Variants in MTPN observed in about 807,000 individuals in gnomAD.
The protein encoded by MTPN is granule cell differentiation protein.
MTPN carries 2 observed loss-of-function variants against 13.5 expected under a neutral mutation model. The observed-to-expected ratio is 0.15, with a 90% CI of 0.06 to 0.47. The LOEUF (loss-of-function observed/expected upper bound fraction) is 0.47, where lower values mean the gene tolerates loss of function less well. Among genes scored for constraint, MTPN ranks in the 20% least tolerant of loss-of-function variants. The probability of loss-of-function intolerance (pLI) is 0.97; values close to 1 mark genes in which losing one functional copy is unlikely to be tolerated. For synonymous variants in MTPN, 46 were observed against 51.7 expected (o/e 0.89, Z 0.48); for missense variants, 79 against 137.9 (o/e 0.57, Z 2.14).
At chr7:135,969,879 T>C (rs1009634610) in intron 1 of MTPN, among the ~76,000 whole-genome samples, 2 of 152,004 alleles carry the variant, frequency 1.3e-5, no homozygotes. Flanking sequence ...ACAAAAGACA[T>C]AAACAATCAT....
intron 3 of MTPN, among the ~76,000 whole-genome samples, chr7:135,942,593 ATATTT>A (rs1417693471): frequency 6.6e-6 from 1 of 152,220 alleles, no homozygotes; most frequent in Non-Finnish European, 1.5e-5. Context: ...GATTAAAAAA[ATATTT>A]TATAAGACTA....
chr7:135,974,070 T>C (rs548258758), intron 1 of MTPN, among the ~76,000 whole-genome samples: 1 of 152,332 alleles, frequency 6.6e-6, no homozygotes, highest in East Asian at 1.9e-4. Flanking sequence ...TACTGTCTTT[T>C]CCATTTCAAA....
intron 1 of MTPN, among the ~76,000 whole-genome samples, chr7:135,975,048 C>G (rs566744605): frequency 5.3e-5 from 8 of 152,124 alleles, no homozygotes; most frequent in Non-Finnish European, 7.4e-5. Flanking sequence ...TTCAATACTC[C>G]CTTTTGCTTT....
chr7:135,953,289 T>C (rs369614071), intron 1 of MTPN, among the ~76,000 whole-genome samples: 7 of 152,226 alleles, frequency 4.6e-5, no homozygotes, highest in East Asian at 3.8e-4. Context: ...AGTATTTAAA[T>C]ATATGGTACC....
chr7:135,972,231 G>GCGCGCGCGCGCACACACACACACA (rs779296906), intron 1 of MTPN, among the ~76,000 whole-genome samples: 7 of 124,700 alleles, frequency 5.6e-5, no homozygotes, highest in African/African-American at 2.1e-4. Flanking sequence ...GCACGCGCGC[G>GCGCGCGCGCGCACACACACACACA]CACACACACA....
chr7:135,934,215 G>T (rs144373583), intron 3 of MTPN, among the ~76,000 whole-genome samples: 168 of 152,188 alleles, frequency 1.1e-3, no homozygotes, highest in African/African-American at 3.7e-3. Context: ...ACAATGAATT[G>T]AACTAAGTTA....
At chr7:135,934,176 A>G (rs1204332472) in intron 3 of MTPN, among the ~76,000 whole-genome samples, 1 of 152,236 alleles carries the variant, frequency 6.6e-6, no homozygotes, top group Non-Finnish European at 1.5e-5. Flanking sequence ...CTCTTAAGGT[A>G]AATTGCTACC....
intron 3 of MTPN, among the ~76,000 whole-genome samples, chr7:135,933,639 TTC>T (rs1167895981): frequency 2.0e-5 from 3 of 152,252 alleles, no homozygotes; most frequent in Non-Finnish European, 2.9e-5. Context: ...ACTAGTCATT[TTC>T]TCTCTGTTGT....
intron 1 of MTPN, among the ~76,000 whole-genome samples, chr7:135,970,027 T>C (rs542252163): frequency 6.6e-6 from 1 of 152,166 alleles, no homozygotes; most frequent in South Asian, 2.1e-4. Flanking sequence ...AATGCAGATA[T>C]AGTCTCAAAA....
At chr7:135,942,318 C>A (rs1317088094) in intron 3 of MTPN, among the ~76,000 whole-genome samples, 3 of 152,184 alleles carry the variant, frequency 2.0e-5, no homozygotes, top group Non-Finnish European at 4.4e-5. Context: ...CAAGTCTTTC[C>A]TTTCCTGAGA....
At chr7:135,938,054 G>A (rs780142301) in intron 3 of MTPN, among the ~76,000 whole-genome samples, 5 of 152,076 alleles carry the variant, frequency 3.3e-5, no homozygotes, top group African/African-American at 1.2e-4. Context: ...GACTGTGCAG[G>A]GGTTGGCAAC....
At chr7:135,964,046 T>C (rs1799568431) in intron 1 of MTPN, among the ~76,000 whole-genome samples, 1 of 151,970 alleles carries the variant, frequency 6.6e-6, no homozygotes, top group African/African-American at 2.4e-5. Flanking sequence ...ATTTAAAACA[T>C]TATAATATGT....
intron 3 of MTPN, among the ~76,000 whole-genome samples, chr7:135,935,067 T>C (rs1799094081): frequency 6.6e-6 from 1 of 152,148 alleles, no homozygotes; most frequent in Admixed American, 6.5e-5. Context: ...TTTTCAATAT[T>C]CTCCAACAAG....
intron 3 of MTPN, among the ~76,000 whole-genome samples, chr7:135,931,315 T>A (rs920917224): frequency 1.3e-5 from 2 of 152,068 alleles, no homozygotes; most frequent in African/African-American, 4.8e-5. Context: ...GAGTGGCCCA[T>A]AATCAGAACA....
chr7:135,952,679 C>A (rs1799380862), intron 1 of MTPN, among the ~76,000 whole-genome samples: 1 of 152,140 alleles, frequency 6.6e-6, no homozygotes, highest in South Asian at 2.1e-4. Flanking sequence ...TATATTCTCT[C>A]AGCCGGGTGT....
chr7:135,943,444 C>A (rs941717683), intron 3 of MTPN, among the ~76,000 whole-genome samples: 1 of 152,020 alleles, frequency 6.6e-6, no homozygotes, highest in African/African-American at 2.4e-5. Flanking sequence ...TAACTGGCTA[C>A]GTGATTAAAA....
At chr7:135,935,701 T>C (rs1393703427) in intron 3 of MTPN, among the ~76,000 whole-genome samples, 1 of 152,246 alleles carries the variant, frequency 6.6e-6, no homozygotes, top group Admixed American at 6.5e-5. Flanking sequence ...ATCTGTTCAC[T>C]ACCTACCTCT....
At chr7:135,963,266 T>C (rs1678969917) in intron 1 of MTPN, among the ~76,000 whole-genome samples, 1 of 152,018 alleles carries the variant, frequency 6.6e-6, no homozygotes. Context: ...AATGTTATAA[T>C]ATAGTCCCTC....
chr7:135,936,532 A>G (rs1799116891), intron 3 of MTPN, among the ~76,000 whole-genome samples: 1 of 152,202 alleles, frequency 6.6e-6, no homozygotes. Flanking sequence ...AATATAAGGA[A>G]CTTGATAAAA....
Sources: allele counts gnomAD v4.1 joint callset (sites outside exome capture counted in the v4.1 genomes callset), GRCh38; gene constraint gnomAD v4.1.1; transcripts MANE v1.5; gene names NCBI Gene and HGNC (gene_info 2026-07-23, HGNC 2026-07-21).